The following CNTNAP2 variants were observed in gnomAD, a reference collection of about 807,000 sequenced individuals.
The protein encoded by CNTNAP2 is contactin associated protein 2, also known as contactin-associated protein-like 2.
In CNTNAP2, 98 loss-of-function variants were observed where a neutral mutation model predicts 155.2. The ratio of observed to expected loss-of-function variants is 0.63; its 90% CI spans 0.54 to 0.75. The LOEUF is 0.75. Ranked by LOEUF, CNTNAP2 falls within the 30% of genes least tolerant of loss-of-function variation. The pLI is 0.00. For synonymous variants in CNTNAP2, 651 were observed against 631.2 expected (o/e 1.03, Z -0.47); for missense variants, 1,727 against 1,688.1 (o/e 1.02, Z -0.40).
intron 21 of CNTNAP2, among the ~76,000 whole-genome samples, chr7:148,285,000 T>C (rs908526943): frequency 2.0e-5 from 3 of 152,196 alleles, no homozygotes; most frequent in African/African-American, 7.2e-5. Flanking sequence ...GAAGGAAGAA[T>C]AGAGCAGTTG....
chr7:146,254,920 A>G (rs1287914019), intron 1 of CNTNAP2, among the ~76,000 whole-genome samples: 2 of 152,068 alleles, frequency 1.3e-5, no homozygotes, highest in African/African-American at 4.8e-5. Context: ...CAGACAACTT[A>G]AATTGGAAAC....
intron 3 of CNTNAP2, among the ~76,000 whole-genome samples, chr7:146,955,524 A>G (rs1797415107): frequency 6.6e-6 from 1 of 152,026 alleles, no homozygotes. Flanking sequence ...CAGTGACTAC[A>G]GTGTGCCTCA....
chr7:146,509,393 G>C (rs759983264), intron 1 of CNTNAP2, among the ~76,000 whole-genome samples: 6 of 152,144 alleles, frequency 3.9e-5, no homozygotes, highest in African/African-American at 1.4e-4. Flanking sequence ...AATACTGTTG[G>C]CTCCCTCATC....
intron 23 of CNTNAP2, among the ~76,000 whole-genome samples, chr7:148,414,156 A>C (rs977885067): frequency 1.6e-5 from 2 of 125,192 alleles, no homozygotes; most frequent in Non-Finnish European, 3.2e-5. Flanking sequence ...GGCTCACTGC[A>C]GCCTCCGCCT....
chr7:147,726,979 A>T (rs1238267041), intron 13 of CNTNAP2, among the ~76,000 whole-genome samples: 3 of 151,612 alleles, frequency 2.0e-5, no homozygotes, highest in Non-Finnish European at 2.9e-5. Context: ...TCACTGTTAC[A>T]GTAATGCTAG....
intron 22 of CNTNAP2, among the ~76,000 whole-genome samples, chr7:148,394,627 A>ATCTCTCTCCAAGTTGCGAAATGAT (rs1799426654): frequency 6.6e-6 from 1 of 152,220 alleles, no homozygotes; most frequent in Non-Finnish European, 1.5e-5. Flanking sequence ...TGTCTTCTCC[A>ATCTCTCTCCAAGTTGCGAAATGAT]TCTCTCTCCA....
chr7:147,656,796 A>G (rs1316487122), intron 13 of CNTNAP2, among the ~76,000 whole-genome samples: 1 of 152,204 alleles, frequency 6.6e-6, no homozygotes, highest in Non-Finnish European at 1.5e-5. Context: ...CCCGATGCCA[A>G]TAGATTTACT....
At chr7:147,535,793 A>G (rs115161581) in intron 11 of CNTNAP2, among the ~76,000 whole-genome samples, 2,225 of 152,280 alleles carry the variant, frequency 0.015, 58 homozygotes, top group African/African-American at 0.051. Context: ...ACAGCAGTAA[A>G]AACAGTTTAA....
intron 2 of CNTNAP2, among the ~76,000 whole-genome samples, chr7:146,783,157 T>C (rs1469481078): frequency 6.6e-6 from 1 of 152,180 alleles, no homozygotes. Context: ...TTGTTCTTAT[T>C]ATCTTAATGT....
At chr7:147,720,526 G>A (rs1397618295) in intron 13 of CNTNAP2, among the ~76,000 whole-genome samples, 2 of 152,192 alleles carry the variant, frequency 1.3e-5, no homozygotes, top group South Asian at 4.1e-4. Flanking sequence ...TAGGCTTTGT[G>A]TCCCCACACA....
intron 10 of CNTNAP2, among the ~76,000 whole-genome samples, chr7:147,454,112 A>G (rs1162037167): frequency 6.6e-6 from 1 of 152,200 alleles, no homozygotes; most frequent in East Asian, 1.9e-4. Context: ...GTGTTCTTTC[A>G]TATATTAATT....
At chr7:147,536,126 C>T (rs1310730257) in intron 11 of CNTNAP2, among the ~76,000 whole-genome samples, 1 of 152,146 alleles carries the variant, frequency 6.6e-6, no homozygotes, top group South Asian at 2.1e-4. Flanking sequence ...TTATTGCATC[C>T]ACAGAGTTTA....
At chr7:147,865,857 C>G (rs1317676244) in intron 13 of CNTNAP2, among the ~76,000 whole-genome samples, 1 of 152,068 alleles carries the variant, frequency 6.6e-6, no homozygotes, top group East Asian at 1.9e-4. Context: ...TTTTGTTGAT[C>G]TTTTCAAAAA....
At chr7:147,625,265 T>C (rs1794946584) in intron 12 of CNTNAP2, among the ~76,000 whole-genome samples, 1 of 152,220 alleles carries the variant, frequency 6.6e-6, no homozygotes, top group African/African-American at 2.4e-5. Context: ...AATTGGATTG[T>C]TTGTAACACA....
rs145018926 is a variant in CNTNAP2 at position 146,639,178 on chromosome 7, T to C, written c.98-135093T>C. Among the ~76,000 whole-genome samples the C allele has an allele frequency of 1.1e-4, 17 of 152,350 alleles. No homozygotes were observed. The East Asian group carries it at 2.1e-3, about 19-fold the overall frequency. On this transcript the variant is annotated intron_variant, in intron 1 of 23. Coordinates refer to ENST00000361727, the MANE Select transcript of CNTNAP2 (RefSeq NM_014141.6). ...TCTGATAGCAACTATATGAATATTA[T>C]ATATTTGAGACTAAAAGGCTAACAT...
intron 1 of CNTNAP2, among the ~76,000 whole-genome samples, chr7:146,209,986 C>G (rs1425639170): frequency 6.6e-6 from 1 of 152,078 alleles, no homozygotes; most frequent in Non-Finnish European, 1.5e-5. Flanking sequence ...GCTGTGTGCT[C>G]CCCTAGATGC....
intron 1 of CNTNAP2, among the ~76,000 whole-genome samples, chr7:146,194,872 G>T (rs1230689082): frequency 6.6e-6 from 1 of 152,010 alleles, no homozygotes; most frequent in Non-Finnish European, 1.5e-5. Context: ...GACAGAACTG[G>T]GTCTGGAGAC....
chr7:146,626,972 C>A (rs529032595), intron 1 of CNTNAP2, among the ~76,000 whole-genome samples: 1 of 152,106 alleles, frequency 6.6e-6, no homozygotes, highest in East Asian at 1.9e-4. Flanking sequence ...TCTGTATTAG[C>A]CCATTTTCAC....
intron 15 of CNTNAP2, among the ~76,000 whole-genome samples, chr7:147,981,297 C>T (rs1801525215): frequency 6.6e-6 from 1 of 152,200 alleles, no homozygotes; most frequent in African/African-American, 2.4e-5. Context: ...TAAAATGTTT[C>T]ATTTGGGTTT....
Sources: allele counts gnomAD v4.1 joint callset (sites outside exome capture counted in the v4.1 genomes callset), GRCh38; gene constraint gnomAD v4.1.1; transcripts MANE v1.5; gene names NCBI Gene and HGNC (gene_info 2026-07-23, HGNC 2026-07-21).